Variants in TAAR2 observed in about 807,000 individuals in gnomAD.
TAAR2 encodes the protein trace amine-associated receptor 2.
A neutral mutation model predicts 25.5 loss-of-function variants in TAAR2; 30 were observed. The observed-to-expected ratio is 1.18, with a 90% CI of 0.88 to 1.60. The LOEUF (loss-of-function observed/expected upper bound fraction) is 1.60. TAAR2 is among the 40% of genes most tolerant of loss of function. The pLI is 0.00. For synonymous variants in TAAR2, 150 were observed against 142.4 expected (o/e 1.05, Z -0.38); for missense variants, 481 against 416.5 (o/e 1.15, Z -1.35).
In TAAR2 at chr6:132,617,547, G is replaced by A; in HGVS notation, c.659C>T (p.Thr220Ile). ...AATCCCCACCATCATAGACCCAGGA[G>A]TGAAGAAACCTGCCATAAACAAGGT... ...GTTLFMAGFF[T>I]PGSMMVGIYG... Residue 220 changes from threonine (T) to isoleucine (I), a missense_variant, in exon 2 of 2, where the codon ACT (threonine) becomes ATT (isoleucine). Thr to Ile is a moderately conservative substitution (Grantham distance 89, BLOSUM62 -1). Coordinates refer to ENST00000367931, the MANE Select transcript of TAAR2 (RefSeq NM_001033080.1). 6.2e-7 allele frequency: 1 copy of A among 1,613,972 alleles called. No individual in the cohort carries two copies. Among genetic ancestry groups the A allele is most frequent in the Non-Finnish European group, 8.5e-7 (1 of 1,179,972 alleles).
chr6:132,619,624 T>G (rs1417272912), intron 1 of TAAR2, among the ~76,000 whole-genome samples: 1 of 151,944 alleles, frequency 6.6e-6, no homozygotes, highest in African/African-American at 2.4e-5. Flanking sequence ...GCAGCAGAGA[T>G]TCTACAATGC....
At chr6:132,619,706 C>T (rs141527914) in intron 1 of TAAR2, among the ~76,000 whole-genome samples, 65 of 152,254 alleles carry the variant, frequency 4.3e-4, no homozygotes, top group African/African-American at 1.3e-3. Context: ...GCAACAGCGG[C>T]GATCACCTGA....
chr6:132,617,420 T>C lies in TAAR2; in HGVS notation c.786A>G (p.Lys262=). Residue 262 remains lysine, a synonymous_variant, in exon 2 of 2, where the codon AAA becomes AAG. Coordinates refer to ENST00000367931, the MANE Select transcript of TAAR2 (RefSeq NM_001033080.1). The part of the protein sequence containing the change: ...NQVKKDKKAA[K]TLGIVIGVFL... ...AAACTCCTATCACTATTCCTAAAGT[T>C]TTGGCAGCTTTTTTGTCTTTCTTCA... 1 of 1,613,686 alleles carries C rather than the reference T, an allele frequency of 6.2e-7. No individual in the cohort carries two copies. The highest frequency in any genetic ancestry group is 8.5e-7 in the Non-Finnish European group (1 of 1,179,908).
chr6:132,617,825 G>A lies in TAAR2; in HGVS notation c.381C>T (p.Ser127=). The stretch of plus-strand genomic sequence containing the variant: ...AGCAAAGATGAAAAATGGATGTTAT[G>A]CTAAGCATCAGGTCAAAACTATAAT... ...KIYYSFDLML[S]ITSIFHLCSV... Residue 127 remains serine, a synonymous_variant, in exon 2 of 2, where the codon AGC becomes AGT. Transcript: ENST00000367931. 2 of 1,614,040 alleles carry A rather than the reference G, an allele frequency of 1.2e-6. No individual in the cohort carries two copies. The highest frequency in any genetic ancestry group is 1.7e-6 in the Non-Finnish European group (2 of 1,179,978).
At chr6:132,624,130 T>G in intron 1 of TAAR2, 86 bp downstream of exon 1, 2 of 1,266,968 alleles carry the variant, frequency 1.6e-6, no homozygotes, top group South Asian at 2.5e-5. Context: ...AGCATAATTA[T>G]TATCTTTGTA....
Position 132,624,214 on chromosome 6 carries a change from A to G in TAAR2, c.60+2T>C, listed in dbSNP as rs772188980. 1 of 1,613,366 alleles carries G rather than the reference A, an allele frequency of 6.2e-7. No individual in the cohort carries two copies. Among genetic ancestry groups the G allele is most frequent in the South Asian group, 1.1e-5 (1 of 91,070 alleles). ...AACTTAGTCATATGTTTAAGGGCCT[A>G]CCTTTTTTGTCTGTGTTCTTTTGAA... On this transcript the variant is annotated splice_donor_variant, in intron 1 of 1. Transcript: ENST00000367931. LOFTEE classifies it high-confidence loss of function.
At chr6:132,620,637 ACGG>A (rs1777359071) in intron 1 of TAAR2, among the ~76,000 whole-genome samples, 1 of 152,034 alleles carries the variant, frequency 6.6e-6, no homozygotes, top group South Asian at 2.1e-4. Flanking sequence ...GGGGAGGAGG[ACGG>A]GAGGAGGGAG....
At chr6:132,619,660 A>G (rs77644989) in intron 1 of TAAR2, among the ~76,000 whole-genome samples, 2,010 of 152,290 alleles carry the variant, frequency 0.013, 51 homozygotes, top group African/African-American at 0.046. Context: ...GCACATCAAC[A>G]CTTAAAACCT....
intron 1 of TAAR2, among the ~76,000 whole-genome samples, chr6:132,619,696 G>T (rs1582739573): frequency 6.6e-6 from 1 of 152,186 alleles, no homozygotes; most frequent in African/African-American, 2.4e-5. Flanking sequence ...TCAGATGAAA[G>T]CAACAGCGGC....
intron 1 of TAAR2, among the ~76,000 whole-genome samples, chr6:132,623,007 A>G (rs1224539179): frequency 6.6e-6 from 1 of 152,162 alleles, no homozygotes; most frequent in Non-Finnish European, 1.5e-5. Flanking sequence ...ATAGCACACT[A>G]TCAAAAGAAA....
chr6:132,618,580 CA>C (rs1777333317), intron 1 of TAAR2, among the ~76,000 whole-genome samples: 1 of 151,714 alleles, frequency 6.6e-6, no homozygotes, highest in Non-Finnish European at 1.5e-5. Context: ...GTGGAGGTTG[CA>C]GTGAGCCGAG....
At chr6:132,621,187 C>T (rs1777367833) in intron 1 of TAAR2, among the ~76,000 whole-genome samples, 1 of 150,792 alleles carries the variant, frequency 6.6e-6, no homozygotes, top group African/African-American at 2.4e-5. Flanking sequence ...AAATAACGAA[C>T]ATCCTTTTAA....
In TAAR2 at chr6:132,617,373, C is replaced by A. The variant is rs758243384; in HGVS notation, c.833G>T (p.Cys278Phe). ...IGVFLLCWFP[C>F]FFTILLDPFL... ...GGGATCCAATAAAATTGTGAAGAAA[C>A]AAGGAAACCAACATAATAAGAAAAC... The change falls in exon 2 of 2, where the codon TGT (cysteine) becomes TTT (phenylalanine). Residue 278 changes from cysteine to phenylalanine, a missense_variant. Cys to Phe is a radical substitution (Grantham distance 205). Transcript: ENST00000367931. 6.2e-6 allele frequency: 10 copies of A among 1,613,650 alleles called. No homozygotes were observed. In the South Asian group the frequency reaches 1.1e-4, roughly 18 times the overall value.
rs1156767001 is a variant in TAAR2, at chr6:132,622,478, C to CTTTTTTTTTTTTTTTTTTT, written c.60+1719_60+1737dup. Among the ~76,000 whole-genome samples the CTTTTTTTTTTTTTTTTTTT allele has an allele frequency of 7.5e-4, 43 of 57,398 alleles. 11 individuals carry two copies. Among genetic ancestry groups the CTTTTTTTTTTTTTTTTTTT allele is most frequent in the Non-Finnish European group, 1.1e-3 (36 of 33,990 alleles). 37.7% of individuals were successfully genotyped at this position (57,398 alleles called of 152,430 possible). ...AAATATTCCTCTGCTTTAGTAACCA[C>CTTTTTTTTTTTTTTTTTTT]TTTTTTTTTTTTTTTTTTTTTTTTT... is the stretch of plus-strand genomic sequence containing the variant. On this transcript the variant is annotated intron_variant, in intron 1 of 1. Transcript: ENST00000367931.
intron 1 of TAAR2, among the ~76,000 whole-genome samples, chr6:132,622,588 T>C (rs1484878528): frequency 6.7e-6 from 1 of 148,386 alleles, no homozygotes; most frequent in Non-Finnish European, 1.5e-5. Context: ...CAGGTTCAAG[T>C]GATTCTCCTG....
Position 132,617,919 on chromosome 6 carries a change from A to G in TAAR2, c.287T>C (p.Ile96Thr), listed in dbSNP as rs1777321165. 1 of 1,614,062 alleles carries G rather than the reference A, an allele frequency of 6.2e-7. No individual in the cohort carries two copies. The highest frequency in any genetic ancestry group is 1.7e-5 in the Admixed American group (1 of 60,014). Residue 96 changes from isoleucine (I) to threonine (T), a missense_variant, in exon 2 of 2, where the codon ATC becomes ACC. Physicochemically the swap from Ile to Thr is moderately conservative, Grantham distance 89 (BLOSUM62 -1). Transcript: ENST00000367931. ...AITDFLLGFTIMPYSMIRSVE... is the reference protein window; with the variant it reads ...AITDFLLGFTTMPYSMIRSVE... ...CGATCTGATCATACTATATGGCATG[A>G]TGGTGAATCCCAGGAGGAAATCAGT...
Position 132,617,423 on chromosome 6 carries a change from G to C in TAAR2, c.783C>G (p.Ala261=). ...NNQVKKDKKA[A]KTLGIVIGVF... is the part of the protein sequence containing the mutation. ...CTCCTATCACTATTCCTAAAGTTTT[G>C]GCAGCTTTTTTGTCTTTCTTCACTT... The change falls in exon 2 of 2, where the codon GCC becomes GCG. Residue 261 remains alanine, a synonymous_variant. Transcript: ENST00000367931. The C allele has an allele frequency of 1.2e-6, 2 of 1,613,542 alleles. No homozygotes were observed. Among genetic ancestry groups the C allele is most frequent in the Non-Finnish European group, 1.7e-6 (2 of 1,179,888 alleles).
Position 132,618,145 on chromosome 6 carries a change from C to G in TAAR2, c.61G>C (p.Glu21Gln), listed in dbSNP as rs775747604. The G allele has an allele frequency of 1.3e-6, 2 of 1,558,072 alleles. No individual in the cohort carries two copies. The highest frequency in any genetic ancestry group is 1.7e-6 in the Non-Finnish European group (2 of 1,156,164). ...CCATATTCAGAGCAATTGAATTTTT[C>G]CTTCAAAAAACAAGAACAGATAGAA... ...SHFKRTQTKK[E>Q]KFNCSEYGNR... is the part of the protein sequence containing the mutation. Residue 21 changes from glutamate (E) to glutamine (Q), a missense_variant and splice_region_variant, in exon 2 of 2, where the codon GAA becomes CAA. Glu to Gln is a conservative substitution (Grantham distance 29). Transcript: ENST00000367931.
chr6:132,620,351 A>G (rs1344203182), intron 1 of TAAR2, among the ~76,000 whole-genome samples: 1 of 152,244 alleles, frequency 6.6e-6, no homozygotes, highest in African/African-American at 2.4e-5. Context: ...AAATAGAAAC[A>G]CTACCAAACT....
Sources: allele counts gnomAD v4.1 joint callset (sites outside exome capture counted in the v4.1 genomes callset), GRCh38; gene constraint gnomAD v4.1.1; transcripts MANE v1.5; gene names NCBI Gene and HGNC (gene_info 2026-07-23, HGNC 2026-07-21).